The following ATP2C2 variants were observed in gnomAD, a reference collection of about 807,000 sequenced individuals.
The protein encoded by ATP2C2 is calcium-transporting ATPase type 2C member 2.
Under a neutral mutation model 110.8 loss-of-function variants are expected in ATP2C2, and 171 were observed. The ratio of observed to expected loss-of-function variants is 1.54; its 90% CI spans 1.36 to 1.75. ATP2C2 has a LOEUF of 1.75. Among genes scored for constraint, ATP2C2 ranks in the 40% most tolerant of loss-of-function variants. The pLI, the probability that ATP2C2 is intolerant of heterozygous loss-of-function variation, is 0.00. For missense variants in ATP2C2, 1,963 were observed against 1,235.0 expected (o/e 1.59, Z -8.84); for synonymous variants, 804 against 508.4 (o/e 1.58, Z -7.82).
intron 3 of ATP2C2, chr16:84,406,460 T>C (rs1180770324): frequency 2.5e-6 from 1 of 398,004 alleles, no homozygotes. Flanking sequence ...GCCCCAGGCT[T>C]CAACCGCCTT....
At chr16:84,416,807 C>A (rs1433670684) in intron 7 of ATP2C2, among the ~76,000 whole-genome samples, 2 of 152,176 alleles carry the variant, frequency 1.3e-5, no homozygotes, top group African/African-American at 4.8e-5. Context: ...GACCCCAAGT[C>A]TGGGGTGCAT....
chr16:84,436,234 G>A (rs1463767484), intron 11 of ATP2C2, among the ~76,000 whole-genome samples: 2 of 152,210 alleles, frequency 1.3e-5, no homozygotes, highest in Non-Finnish European at 2.9e-5. Flanking sequence ...TTGGGAGTTT[G>A]CATGAAAAAG....
chr16:84,453,497 C>T (rs1304151033), intron 20 of ATP2C2, 126 bp downstream of exon 20: 2 of 1,294,838 alleles, frequency 1.5e-6, no homozygotes, highest in African/African-American at 1.5e-5. Flanking sequence ...TCTCTAGGTC[C>T]AGGGCAGCTG....
intron 17 of ATP2C2, among the ~76,000 whole-genome samples, chr16:84,449,875 T>A (rs744553): frequency 0.092 from 13,960 of 152,286 alleles, 845 homozygotes; most frequent in South Asian, 0.23. Context: ...ACATCCCACG[T>A]GGCACTGGCC....
In ATP2C2 at chr16:84,430,748, G is replaced by T. The variant is rs1435651653; in HGVS notation, c.986+4947G>T. 2.0e-5 allele frequency among the ~76,000 whole-genome samples: 3 copies of T among 152,062 alleles called. No individual in the cohort carries two copies. The East Asian group carries it at 5.8e-4, about 29-fold the overall frequency. The stretch of plus-strand genomic sequence containing the variant: ...AGCAGGAGTAGAACATGTGATCCCA[G>T]TTCACCCTTACACAGCCCATGGGGT... On this transcript the variant is annotated intron_variant, in intron 11 of 26. Coordinates refer to ENST00000262429, the MANE Select transcript of ATP2C2 (RefSeq NM_014861.4).
At chr16:84,383,735 C>CTCTGTGTGTGTGTGTGTGTGTG (rs1910721788) in intron 1 of ATP2C2, among the ~76,000 whole-genome samples, 1 of 137,668 alleles carries the variant, frequency 7.3e-6, no homozygotes, top group Non-Finnish European at 1.6e-5. Context: ...CTGAATACAT[C>CTCTGTGTGTGTGTGTGTGTGTG]TGTGTGTGTG....
chr16:84,397,474 C>T (rs1049495166), intron 1 of ATP2C2, among the ~76,000 whole-genome samples: 4 of 151,122 alleles, frequency 2.6e-5, no homozygotes, highest in Non-Finnish European at 4.4e-5. Context: ...AAAATAAGTT[C>T]GCTCAGCCTG....
Position 84,425,757 on chromosome 16 carries a change from G to T in ATP2C2, c.942G>T (p.Trp314Cys). 4 of 1,614,146 alleles carry T rather than the reference G, an allele frequency of 2.5e-6. No individual in the cohort carries two copies. Among genetic ancestry groups the T allele is most frequent in the Non-Finnish European group, 3.4e-6 (4 of 1,180,020 alleles). ...GIIGLIMLIG[W>C]SQGKQLLSMF... The stretch of plus-strand genomic sequence containing the variant: ...CAGGTCTCATCATGCTCATTGGCTG[G>T]TCGCAAGGGAAACAACTCCTGAGTA... Residue 314 changes from tryptophan (W) to cysteine (C), a missense_variant, in exon 11 of 27, where the codon TGG (tryptophan) becomes TGT (cysteine). Physicochemically the swap from Trp to Cys is radical, Grantham distance 215. Transcript: ENST00000262429.
At chr16:84,461,419 C>G (rs1410194754) in intron 24 of ATP2C2, 8 of 534,904 alleles carry the variant, frequency 1.5e-5, no homozygotes, top group South Asian at 2.3e-5. Flanking sequence ...CTGGGTTTAA[C>G]TGGAGTGGCA....
intron 11 of ATP2C2, among the ~76,000 whole-genome samples, chr16:84,437,810 C>T (rs1226126605): frequency 6.6e-6 from 1 of 152,254 alleles, no homozygotes; most frequent in Non-Finnish European, 1.5e-5. Context: ...GCCACCACCC[C>T]CTGCCTAGAA....
At chr16:84,404,945 C>A (rs772860110) in intron 2 of ATP2C2, 183 bp from the exon 3 acceptor site, 24 of 699,300 alleles carry the variant, frequency 3.4e-5, no homozygotes, top group Non-Finnish European at 6.0e-5. Context: ...TGGCTTGTGC[C>A]TTTTCCTCCT....
chr16:84,425,949 C>T, intron 11 of ATP2C2, 148 bp downstream of exon 11: 1 of 931,358 alleles, frequency 1.1e-6, no homozygotes, highest in East Asian at 2.4e-5. Flanking sequence ...CTCCCAATAG[C>T]ATGTTCTCCG....
At chr16:84,442,421 C>A (rs1039013047) in intron 14 of ATP2C2, 89 bp from the exon 15 acceptor site, 1 of 1,252,984 alleles carries the variant, frequency 8.0e-7, no homozygotes, top group East Asian at 2.4e-5. Flanking sequence ...TCCCCACAAC[C>A]CCAGCTGTAA....
At chr16:84,461,302 A>C in intron 24 of ATP2C2, 1 of 295,464 alleles carries the variant, frequency 3.4e-6, no homozygotes, top group Non-Finnish European at 6.4e-6. Flanking sequence ...ATGTGCAGGA[A>C]GCGGGAGGGG....
chr16:84,433,482 G>A (rs773602239), intron 11 of ATP2C2, among the ~76,000 whole-genome samples: 13 of 151,950 alleles, frequency 8.6e-5, no homozygotes, highest in Non-Finnish European at 1.8e-4. Context: ...GTGAAACCTC[G>A]TCTCTACTAA....
intron 11 of ATP2C2, among the ~76,000 whole-genome samples, chr16:84,431,717 T>C (rs1567719344): frequency 6.6e-6 from 1 of 152,064 alleles, no homozygotes; most frequent in Admixed American, 6.6e-5. Flanking sequence ...GCTTAGATCA[T>C]GGGGAAACTC....
At chr16:84,400,437 C>T (rs111757005) in intron 2 of ATP2C2, among the ~76,000 whole-genome samples, 26,708 of 151,672 alleles carry the variant, frequency 0.18, 3,919 homozygotes, top group African/African-American at 0.4. Flanking sequence ...CGCCATTCTT[C>T]TGTCTCAGCC....
chr16:84,431,632 G>C (rs1339194272), intron 11 of ATP2C2, among the ~76,000 whole-genome samples: 1 of 152,024 alleles, frequency 6.6e-6, no homozygotes, highest in Non-Finnish European at 1.5e-5. Context: ...AAAGGTTTGG[G>C]GGTGGGAACA....
At chr16:84,433,577 G>A (rs1049925907) in intron 11 of ATP2C2, among the ~76,000 whole-genome samples, 35 of 151,882 alleles carry the variant, frequency 2.3e-4, no homozygotes, top group Admixed American at 8.5e-4. Flanking sequence ...TCTTGAACCC[G>A]GGAGGTGGAG....
Sources: gnomAD v4.1 joint callset for allele counts (sites outside exome capture counted in the v4.1 genomes callset) on GRCh38, gnomAD v4.1.1 for gene constraint, MANE v1.5 for transcripts, NCBI Gene and HGNC (gene_info 2026-07-23, HGNC 2026-07-21) for gene names.